ATP11C: variants seen among roughly 807,000 people sequenced by gnomAD.
The protein encoded by ATP11C is ATPase phospholipid transporting 11C (ATP11C blood group).
Under a neutral mutation model 97.4 loss-of-function variants are expected in ATP11C, and 36 were observed. That is an observed-to-expected ratio of 0.37 (90% CI 0.28 to 0.49). The LOEUF (loss-of-function observed/expected upper bound fraction) is 0.49. Among genes scored for constraint, ATP11C ranks in the 20% least tolerant of loss-of-function variants. The pLI, the probability that ATP11C is intolerant of heterozygous loss-of-function variation, is 0.98. For missense variants in ATP11C, 730 were observed against 824.6 expected (o/e 0.89, Z 1.40); for synonymous variants, 275 against 290.9 (o/e 0.95, Z 0.56).
intron 3 of ATP11C, among the ~76,000 whole-genome samples, chrX:139,817,818 G>A (rs1276136654): frequency 9.1e-6 from 1 of 110,103 alleles, no homozygotes; most frequent in Non-Finnish European, 1.9e-5. Context: ...TATTAAAGAT[G>A]TCTTCCAAGT....
chrX:139,873,011 A>C (rs1049879626), intron 1 of ATP11C, among the ~76,000 whole-genome samples: 9 of 112,505 alleles, frequency 8.0e-5, no homozygotes, highest in African/African-American at 2.9e-4. Flanking sequence ...GTTGTATTAC[A>C]TAGTGGAGCA....
rs142214939 is a variant in ATP11C, at chrX:139,741,875, G to A, written c.3031-781C>T. Among the ~76,000 whole-genome samples the A allele has an allele frequency of 7.2e-3, 805 of 111,498 alleles. 5 individuals are homozygous for A. Among genetic ancestry groups the A allele is most frequent in the African/African-American group, 0.024 (727 of 30,693 alleles). ...ATATCCAGAGCAGTTAATTTTTATA[G>A]AGGAGATGGTGTCTCAGTTTTGTTA... On this transcript the variant is annotated intron_variant, in intron 26 of 29. Coordinates refer to ENST00000682941, the MANE Select transcript of ATP11C (RefSeq NM_001353812.2).
intron 1 of ATP11C, among the ~76,000 whole-genome samples, chrX:139,843,702 T>C (rs1011186201): frequency 9.0e-6 from 1 of 111,601 alleles, no homozygotes; most frequent in Admixed American, 9.5e-5. Context: ...ACTTATTAGT[T>C]ATGTAACCTG....
intron 1 of ATP11C, among the ~76,000 whole-genome samples, chrX:139,900,133 G>A (rs2084873817): frequency 9.0e-6 from 1 of 111,425 alleles, no homozygotes; most frequent in African/African-American, 3.3e-5. Context: ...CACTTTGGGA[G>A]GCCAAGGCAG....
At chrX:139,873,615 G>C (rs994453722) in intron 1 of ATP11C, among the ~76,000 whole-genome samples, 1 of 101,160 alleles carries the variant, frequency 9.9e-6, no homozygotes, top group African/African-American at 3.7e-5. Context: ...GGCTGAGGCA[G>C]AGAATTGCTT....
At chrX:139,767,631 T>C (rs2082164838) in intron 20 of ATP11C, among the ~76,000 whole-genome samples, 1 of 111,461 alleles carries the variant, frequency 9.0e-6, no homozygotes, top group Admixed American at 9.5e-5. Context: ...CACACATTTA[T>C]CAATGGGAGT....
intron 1 of ATP11C, among the ~76,000 whole-genome samples, chrX:139,905,029 C>T (rs1472383930): frequency 9.0e-6 from 1 of 111,649 alleles, no homozygotes; most frequent in Non-Finnish European, 1.9e-5. Context: ...AGAGTGGATC[C>T]AAAAAAACAA....
At chrX:139,802,163 TC>T (rs2082939883) in intron 7 of ATP11C, 72 bp downstream of exon 7, 1 of 769,788 alleles carries the variant, frequency 1.3e-6, no homozygotes, top group Non-Finnish European at 2.0e-6. Context: ...GGTGGGTGTT[TC>T]TTTTGCAATA....
intron 1 of ATP11C, among the ~76,000 whole-genome samples, chrX:139,882,573 A>G (rs1366677900): frequency 9.0e-6 from 1 of 111,269 alleles, no homozygotes; most frequent in Non-Finnish European, 1.9e-5. Flanking sequence ...TGCACTCCCC[A>G]ATAGCTTTTC....
chrX:139,744,620 G>A (rs1457016391), intron 25 of ATP11C, among the ~76,000 whole-genome samples: 1 of 111,886 alleles, frequency 8.9e-6, no homozygotes, highest in Non-Finnish European at 1.9e-5. Context: ...TGCACAATCA[G>A]TTATAAATCT....
At chrX:139,907,236 A>G (rs1284008142) in intron 1 of ATP11C, among the ~76,000 whole-genome samples, 1 of 111,730 alleles carries the variant, frequency 9.0e-6, no homozygotes, top group Non-Finnish European at 1.9e-5. Context: ...CCAACCAGAA[A>G]CTACATTTCC....
intron 1 of ATP11C, among the ~76,000 whole-genome samples, chrX:139,921,842 T>C (rs997686469): frequency 9.0e-6 from 1 of 110,781 alleles, no homozygotes. Flanking sequence ...CCTATAATAA[T>C]ATATGAAGTA....
At chrX:139,931,617 A>T (rs2085434950) in intron 1 of ATP11C, among the ~76,000 whole-genome samples, 1 of 111,849 alleles carries the variant, frequency 8.9e-6, no homozygotes. Flanking sequence ...GTTTACCTCC[A>T]TGTGCTCGTG....
In ATP11C at chrX:139,741,042, C is replaced by A. The variant is rs1480212800; in HGVS notation, c.3083G>T (p.Gly1028Val). The A allele has an allele frequency of 8.3e-7, 1 of 1,207,719 alleles. No homozygotes were observed. The highest frequency in any genetic ancestry group is 1.1e-6 in the Non-Finnish European group (1 of 892,464). The change falls in exon 27 of 30, where the codon GGT becomes GTT. Residue 1028 changes from glycine to valine, a missense_variant. Physicochemically the swap from Gly to Val is moderately radical, Grantham distance 109. Transcript: ENST00000682941. ...WTWINHFVIW[G>V]SLAFYVFFSF... Reference sequence around the variant, plus strand: ...GAAAAATACATAGAAGGCTAAAGAACCCCAAATCACAAAGTGATTTATCCA... The same window carrying A: ...GAAAAATACATAGAAGGCTAAAGAAACCCAAATCACAAAGTGATTTATCCA...
chrX:139,877,948 G>A (rs965035424), intron 1 of ATP11C, among the ~76,000 whole-genome samples: 1 of 111,320 alleles, frequency 9.0e-6, no homozygotes, highest in Non-Finnish European at 1.9e-5. Context: ...GCTTGAAACC[G>A]GAAGAGGGAG....
intron 10 of ATP11C, among the ~76,000 whole-genome samples, chrX:139,797,702 G>A (rs990238324): frequency 6.3e-5 from 7 of 111,254 alleles, no homozygotes; most frequent in Non-Finnish European, 1.1e-4. Flanking sequence ...GGGGTAGAGG[G>A]CACGGTAGCA....
chrX:139,802,338 G>A lies in ATP11C; in HGVS notation c.557C>T (p.Thr186Ile), dbSNP rs766175328. Residue 186 changes from threonine (T) to isoleucine (I), a missense_variant and splice_region_variant, in exon 7 of 30, where the codon ACA becomes ATA. Physicochemically the swap from Thr to Ile is moderately conservative, Grantham distance 89. Coordinates refer to ENST00000682941, the MANE Select transcript of ATP11C (RefSeq NM_001353812.2). ...AATGGTATCACGTACTGCATAATGT[G>A]TCTAGTTGAAAGCAGAAGAAAAAGT... ...ASLDGESNCKTHYAVRDTIAL... is the reference protein window; with the variant it reads ...ASLDGESNCKIHYAVRDTIAL... 7.7e-6 allele frequency: 9 copies of A among 1,164,951 alleles called. No homozygotes were observed. The highest frequency in any genetic ancestry group is 8.2e-6 in the Non-Finnish European group (7 of 858,193).
chrX:139,896,548 C>T (rs1364044036), intron 1 of ATP11C, among the ~76,000 whole-genome samples: 2 of 6,207 alleles, frequency 3.2e-4, no homozygotes, highest in Non-Finnish European at 6.1e-4. Context: ...TAATTTTATA[C>T]ACACACACAC....
intron 5 of ATP11C, among the ~76,000 whole-genome samples, chrX:139,808,457 A>T (rs2083094025): frequency 8.9e-6 from 1 of 112,069 alleles, no homozygotes; most frequent in African/African-American, 3.2e-5. Flanking sequence ...AAAACTGAAA[A>T]TAGAAAGAAA....
Sources: allele counts gnomAD v4.1 joint callset (sites outside exome capture counted in the v4.1 genomes callset), GRCh38; gene constraint gnomAD v4.1.1; transcripts MANE v1.5; gene names NCBI Gene and HGNC (gene_info 2026-07-23, HGNC 2026-07-21).